Variants in AGBL4 observed in about 807,000 individuals in gnomAD.
AGBL4 encodes cytosolic carboxypeptidase 6.
Under a neutral mutation model 66.4 loss-of-function variants are expected in AGBL4, and 58 were observed. The observed-to-expected ratio is 0.87, with a 90% CI of 0.71 to 1.09. AGBL4 has a LOEUF of 1.09. Among genes scored for constraint, AGBL4 ranks in the 50% least tolerant of loss-of-function variants. The pLI is 0.00. For synonymous variants in AGBL4, 234 were observed against 222.9 expected (o/e 1.05, Z -0.44); for missense variants, 579 against 631.0 (o/e 0.92, Z 0.88).
chr1:48,742,361 A>T (rs574388446), intron 6 of AGBL4, among the ~76,000 whole-genome samples: 1 of 152,318 alleles, frequency 6.6e-6, no homozygotes, highest in Admixed American at 6.5e-5. Context: ...AGCTATTTTA[A>T]AATGTCAATT....
At chr1:49,703,408 A>G (rs1647137619) in intron 2 of AGBL4, among the ~76,000 whole-genome samples, 1 of 152,042 alleles carries the variant, frequency 6.6e-6, no homozygotes, top group African/African-American at 2.4e-5. Context: ...GTTTCTTTTA[A>G]CACTTAAAAA....
chr1:48,683,245 C>G (rs1290345923), intron 6 of AGBL4, among the ~76,000 whole-genome samples: 1 of 152,202 alleles, frequency 6.6e-6, no homozygotes, highest in Non-Finnish European at 1.5e-5. Flanking sequence ...TTCCCTCCTG[C>G]CCCCAACAGC....
intron 2 of AGBL4, among the ~76,000 whole-genome samples, chr1:49,849,502 C>A (rs1289977517): frequency 1.4e-5 from 2 of 145,496 alleles, no homozygotes; most frequent in Non-Finnish European, 3.0e-5. Context: ...CACACACACA[C>A]ACACACATAC....
chr1:49,762,462 G>A (rs1211001682), intron 2 of AGBL4, among the ~76,000 whole-genome samples: 3 of 150,986 alleles, frequency 2.0e-5, no homozygotes, highest in African/African-American at 4.9e-5. Context: ...GCCCAGGCTG[G>A]AGTGCAGTGC....
At chr1:49,536,075 A>G (rs1205239328) in intron 3 of AGBL4, among the ~76,000 whole-genome samples, 1 of 152,264 alleles carries the variant, frequency 6.6e-6, no homozygotes, top group Non-Finnish European at 1.5e-5. Context: ...ATTAATTACA[A>G]GTCATAAAAT....
chr1:49,600,120 A>T (rs947865371), intron 3 of AGBL4, among the ~76,000 whole-genome samples: 1 of 152,198 alleles, frequency 6.6e-6, no homozygotes, highest in Non-Finnish European at 1.5e-5. Flanking sequence ...GCAGATGTCT[A>T]TTAGGTCCAC....
At chr1:49,527,385 A>G (rs41292995) in intron 3 of AGBL4, 2,359 of 152,604 alleles carry the variant, frequency 0.015, 38 homozygotes, top group Non-Finnish European at 0.023. Context: ...AATAAGGCTT[A>G]TAACACCCTG....
At chr1:49,881,991 G>A (rs2148145012) in intron 1 of AGBL4, among the ~76,000 whole-genome samples, 1 of 152,182 alleles carries the variant, frequency 6.6e-6, no homozygotes. Context: ...GTAATACCTA[G>A]GTTTTCTTCT....
At chr1:49,913,636 T>G (rs1003558708) in intron 1 of AGBL4, among the ~76,000 whole-genome samples, 2 of 152,254 alleles carry the variant, frequency 1.3e-5, no homozygotes, top group African/African-American at 4.8e-5. Context: ...GGCTTTACAC[T>G]GATAAGTACT....
At chr1:50,008,215 A>C (rs1328366836) in intron 1 of AGBL4, among the ~76,000 whole-genome samples, 1 of 152,264 alleles carries the variant, frequency 6.6e-6, no homozygotes, top group Non-Finnish European at 1.5e-5. Context: ...TGCAGAATCC[A>C]CATTTTTCTC....
At chr1:48,619,261 G>A (rs866113212) in intron 9 of AGBL4, among the ~76,000 whole-genome samples, 6 of 152,302 alleles carry the variant, frequency 3.9e-5, no homozygotes, top group African/African-American at 1.2e-4. Flanking sequence ...CAGAGGTGAC[G>A]GAAACAAGAG....
At chr1:49,917,720 T>G (rs1055860219) in intron 1 of AGBL4, among the ~76,000 whole-genome samples, 4 of 152,148 alleles carry the variant, frequency 2.6e-5, no homozygotes, top group African/African-American at 9.7e-5. Context: ...AACTCAGCTC[T>G]GCACCAAGCA....
chr1:49,946,121 A>G (rs1049808473), intron 1 of AGBL4, among the ~76,000 whole-genome samples: 3 of 151,980 alleles, frequency 2.0e-5, no homozygotes, highest in African/African-American at 2.4e-5. Context: ...GGGAACTTCA[A>G]TACTCCACTG....
chr1:49,912,644 T>C (rs1650971891), intron 1 of AGBL4, among the ~76,000 whole-genome samples: 1 of 152,186 alleles, frequency 6.6e-6, no homozygotes, highest in African/African-American at 2.4e-5. Context: ...AAAATACCTA[T>C]ATCCTAGACC....
chr1:48,614,725 C>T (rs1645291384), intron 9 of AGBL4, among the ~76,000 whole-genome samples: 1 of 152,116 alleles, frequency 6.6e-6, no homozygotes, highest in Admixed American at 6.5e-5. Flanking sequence ...ATTCTCCTCT[C>T]AGCAAAAGAG....
chr1:49,208,253 C>T (rs1324859169), intron 4 of AGBL4, among the ~76,000 whole-genome samples: 1 of 152,026 alleles, frequency 6.6e-6, no homozygotes, highest in Non-Finnish European at 1.5e-5. Context: ...ATCTCTCTGA[C>T]TTGAAAGCCC....
chr1:48,569,213 A>C (rs1644522377), intron 11 of AGBL4, among the ~76,000 whole-genome samples: 1 of 152,228 alleles, frequency 6.6e-6, no homozygotes, highest in Non-Finnish European at 1.5e-5. Context: ...TTGTGGTTGC[A>C]GTTTGAGTTC....
chr1:49,912,219 G>A (rs1293190928), intron 1 of AGBL4, among the ~76,000 whole-genome samples: 1 of 152,090 alleles, frequency 6.6e-6, no homozygotes, highest in Non-Finnish European at 1.5e-5. Context: ...AGGGACTTGC[G>A]AGGAGACATG....
At chr1:49,527,084 G>C (rs1228427339) in intron 3 of AGBL4, 1 of 152,084 alleles carries the variant, frequency 6.6e-6, no homozygotes, top group Non-Finnish European at 1.5e-5. Context: ...TCCTAGGCTA[G>C]AAACTAAAAA....
Sources: allele counts gnomAD v4.1 joint callset (sites outside exome capture counted in the v4.1 genomes callset), GRCh38; gene constraint gnomAD v4.1.1; transcripts MANE v1.5; gene names NCBI Gene and HGNC (gene_info 2026-07-23, HGNC 2026-07-21).